TMEM132D: variants seen among roughly 807,000 people sequenced by gnomAD.
TMEM132D encodes the protein transmembrane protein 132D, also known as mature OL transmembrane protein.
In TMEM132D, 21 loss-of-function variants were observed where a neutral mutation model predicts 62.3. The observed-to-expected ratio is 0.34, with a 90% CI of 0.24 to 0.49. The LOEUF (loss-of-function observed/expected upper bound fraction) is 0.49. Among genes scored for constraint, TMEM132D ranks in the 20% least tolerant of loss-of-function variants. The pLI is 0.99. For synonymous variants in TMEM132D, 621 were observed against 575.6 expected (o/e 1.08, Z -1.13); for missense variants, 1,346 against 1,402.8 (o/e 0.96, Z 0.65).
At chr12:129,413,499 G>T (rs1223879541) in intron 3 of TMEM132D, among the ~76,000 whole-genome samples, 1 of 149,550 alleles carries the variant, frequency 6.7e-6, no homozygotes, top group African/African-American at 2.5e-5. Flanking sequence ...TATAATAAGT[G>T]ACGTCATTTC....
At chr12:129,525,786 T>C (rs1020332893) in intron 3 of TMEM132D, among the ~76,000 whole-genome samples, 1 of 152,220 alleles carries the variant, frequency 6.6e-6, no homozygotes, top group African/African-American at 2.4e-5. Flanking sequence ...GGATCTCACA[T>C]TTATGTTCTT....
chr12:129,190,728 G>A (rs372286426), intron 5 of TMEM132D, among the ~76,000 whole-genome samples: 2 of 152,296 alleles, frequency 1.3e-5, no homozygotes, highest in Admixed American at 6.5e-5. Flanking sequence ...TTAGCCCAGC[G>A]CAACTCAGGT....
chr12:129,410,672 C>A (rs541862690), intron 3 of TMEM132D, among the ~76,000 whole-genome samples: 2 of 152,230 alleles, frequency 1.3e-5, no homozygotes, highest in East Asian at 1.9e-4. Flanking sequence ...TCTCAATGAA[C>A]TTCTAATGTA....
chr12:129,158,809 CAA>C (rs1401685805), intron 5 of TMEM132D, among the ~76,000 whole-genome samples: 5 of 152,118 alleles, frequency 3.3e-5, no homozygotes, highest in Non-Finnish European at 5.9e-5. Context: ...AATTTATAAA[CAA>C]AAGAGGTTTA....
rs373089862 is a variant in TMEM132D at position 129,655,695 on chromosome 12, A to C, written c.968+44115T>G. Among the ~76,000 whole-genome samples the C allele has an allele frequency of 2.6e-5, 4 of 152,102 alleles. No individual in the cohort carries two copies. In the East Asian group the frequency reaches 7.7e-4, roughly 29 times the overall value. On this transcript the variant is annotated intron_variant, in intron 2 of 8. Transcript: ENST00000422113. ...CTCATCCTCCCAGCCACTGCAACAA[A>C]GTCCCTCATTTATTCTGTCATTGGC...
intron 2 of TMEM132D, among the ~76,000 whole-genome samples, chr12:129,615,750 C>A (rs1555221845): frequency 6.7e-6 from 1 of 150,364 alleles, no homozygotes; most frequent in South Asian, 2.1e-4. Context: ...GATGACAGAG[C>A]AAGACTCTGT....
intron 1 of TMEM132D, among the ~76,000 whole-genome samples, chr12:129,849,933 C>A (rs1873487848): frequency 1.3e-5 from 2 of 152,210 alleles, no homozygotes; most frequent in African/African-American, 4.8e-5. Flanking sequence ...CTCAGCCTGC[C>A]TGTCTTGTCA....
chr12:129,234,096 A>G (rs1879719135), intron 4 of TMEM132D, among the ~76,000 whole-genome samples: 1 of 152,214 alleles, frequency 6.6e-6, no homozygotes, highest in African/African-American at 2.4e-5. Flanking sequence ...TTGGCAAAAT[A>G]TGACTTTAGA....
intron 1 of TMEM132D, among the ~76,000 whole-genome samples, chr12:129,747,161 T>A (rs892130683): frequency 8.7e-4 from 3 of 3,456 alleles, no homozygotes; most frequent in African/African-American, 1.8e-3. Context: ...CCGGTTCCCG[T>A]CGCTTGTCCA....
In TMEM132D at chr12:129,734,968, A is replaced by G. The variant is rs118186127; in HGVS notation, c.80-34270T>C. Among the ~76,000 whole-genome samples the G allele has an allele frequency of 8.7e-3, 1,323 of 152,348 alleles. 14 individuals are homozygous for G. The highest frequency in any genetic ancestry group is 0.059 in the South Asian group (286 of 4,826). ...TAGAAACAAAAAGGATCAAGATTCA[A>G]TGTTACTTCCCATAGTCCATTAGAT... On this transcript the variant is annotated intron_variant, in intron 1 of 8. Transcript: ENST00000422113.
intron 1 of TMEM132D, among the ~76,000 whole-genome samples, chr12:129,900,239 C>T (rs1043225784): frequency 1.2e-4 from 19 of 152,346 alleles, no homozygotes; most frequent in Non-Finnish European, 2.5e-4. Flanking sequence ...AACACACAGA[C>T]ACACCACACA....
At position 129,903,356 on chromosome 12, in the gene TMEM132D, G is replaced by A. The variant is rs77737941; in HGVS notation, c.-17C>T. ...CGGGCACATCCTGGAGACCCGGAGC[G>A]CAGATCCTCCGCTCCCCGGCGCCGT... On this transcript the variant is annotated 5_prime_UTR_variant, in exon 1 of 9. Coordinates refer to ENST00000422113, the MANE Select transcript of TMEM132D (RefSeq NM_133448.3). This position sits in a 1 kb window ranked among gnomAD's most constrained non-coding sequence, Gnocchi z 6.2. 7,894 of 1,551,076 alleles carry A rather than the reference G, an allele frequency of 5.1e-3. 173 individuals carry two copies. In the East Asian group the frequency reaches 0.064, roughly 13 times the overall value.
At chr12:129,217,603 T>C (rs10773614) in intron 4 of TMEM132D, among the ~76,000 whole-genome samples, 61,673 of 152,012 alleles carry the variant, frequency 0.41, 13,794 homozygotes, top group East Asian at 0.85. Flanking sequence ...CCTCAACCTC[T>C]AAGCAGTGTG....
chr12:129,733,614 C>G (rs1869322648), intron 1 of TMEM132D, among the ~76,000 whole-genome samples: 1 of 144,604 alleles, frequency 6.9e-6, no homozygotes, highest in Non-Finnish European at 1.5e-5. Flanking sequence ...GTTTATGTAG[C>G]ATTAGATAAC....
rs773097005 is a variant in TMEM132D at position 129,084,511 on chromosome 12, G to A, written c.1635C>T (p.Ile545=). 6.9e-6 allele frequency: 11 copies of A among 1,601,424 alleles called. No homozygotes were observed. Among genetic ancestry groups the A allele is most frequent in the South Asian group, 5.7e-5 (5 of 88,228 alleles). The change falls in exon 6 of 9, where the codon ATC becomes ATT. Residue 545 remains isoleucine, a synonymous_variant. Transcript: ENST00000422113. ...GACATACCCACCTCCTGCTGGAGAC[G>A]ATGGGCACTCTCCAACCCTTGATCT... is the stretch of plus-strand genomic sequence containing the variant. ...LNQIKGWRVP[I]VSSRRPAGDS...
intron 3 of TMEM132D, among the ~76,000 whole-genome samples, chr12:129,358,900 G>C (rs1157382729): frequency 6.6e-6 from 1 of 151,944 alleles, no homozygotes; most frequent in Admixed American, 6.6e-5. Flanking sequence ...ACTACCCAGA[G>C]GGCTTGGGAT....
intron 5 of TMEM132D, among the ~76,000 whole-genome samples, chr12:129,149,368 C>T (rs1264889647): frequency 1.3e-5 from 2 of 151,912 alleles, no homozygotes; most frequent in Non-Finnish European, 2.9e-5. Context: ...ACGTTCTGCA[C>T]GTGTATCCCA....
chr12:129,658,286 A>G (rs566983266), intron 2 of TMEM132D, among the ~76,000 whole-genome samples: 1 of 152,288 alleles, frequency 6.6e-6, no homozygotes, highest in South Asian at 2.1e-4. Flanking sequence ...AACTTAGATA[A>G]AGTAACCTAG....
intron 2 of TMEM132D, among the ~76,000 whole-genome samples, chr12:129,596,782 A>T (rs1019184858): frequency 2.7e-5 from 4 of 149,854 alleles, no homozygotes; most frequent in Non-Finnish European, 5.9e-5. Flanking sequence ...TTTTTTTTTT[A>T]AACTCCTGTT....
Sources: gnomAD v4.1 joint callset for allele counts (sites outside exome capture counted in the v4.1 genomes callset) on GRCh38, gnomAD v4.1.1 for gene constraint, Gnocchi (gnomAD v3.1) non-coding constraint, MANE v1.5 for transcripts, NCBI Gene and HGNC (gene_info 2026-07-23, HGNC 2026-07-21) for gene names.